Variants in MAML3 observed in about 807,000 individuals in gnomAD.
MAML3 encodes mastermind-like protein 3.
In MAML3, 27 loss-of-function variants were observed where a neutral mutation model predicts 101.9. The ratio of observed to expected loss-of-function variants is 0.27; its 90% CI spans 0.20 to 0.37. The LOEUF is 0.37. Ranked by LOEUF, MAML3 falls within the 10% of genes least tolerant of loss-of-function variation. MAML3 has a pLI of 1.00. For missense variants in MAML3, 1,316 were observed against 1,444.9 expected, an observed-to-expected ratio of 0.91 and a Z score of 1.45; for synonymous variants, 501 against 555.9, an observed-to-expected ratio of 0.90 and a Z score of 1.39.
chr4:139,914,062 C>T (rs572251636), intron 1 of MAML3, among the ~76,000 whole-genome samples: 14 of 152,252 alleles, frequency 9.2e-5, no homozygotes, highest in African/African-American at 3.4e-4. Flanking sequence ...CTTCCTTCCA[C>T]AGCTCCTCGT....
intron 2 of MAML3, among the ~76,000 whole-genome samples, chr4:139,760,777 C>CTGGA (rs1277502873): frequency 1.3e-5 from 2 of 152,158 alleles, no homozygotes; most frequent in Admixed American, 6.5e-5. Context: ...TACCAAGAGG[C>CTGGA]TGGAGTGTAT....
intron 1 of MAML3, among the ~76,000 whole-genome samples, chr4:139,978,314 C>T (rs528023150): frequency 6.6e-6 from 1 of 152,168 alleles, no homozygotes; most frequent in African/African-American, 2.4e-5. Context: ...CTCCCAAGCA[C>T]AGGAAGATTC....
intron 4 of MAML3, among the ~76,000 whole-genome samples, chr4:139,724,478 T>C (rs1728385800): frequency 1.3e-5 from 2 of 152,228 alleles, no homozygotes; most frequent in Non-Finnish European, 2.9e-5. Context: ...CAGAAAATTT[T>C]CACCCAGTCT....
At position 139,861,976 on chromosome 4, in the gene MAML3, A is replaced by AG. The variant is rs746834658; in HGVS notation, c.2079+27380dup. ...ATAATCCCAGCACTTTGGGAGGCTGAGGGGGGTGGACCACCTGAGGTCAGG... is the reference window on the plus strand; with the variant it reads ...ATAATCCCAGCACTTTGGGAGGCTGAGGGGGGGTGGACCACCTGAGGTCAGG... On this transcript the variant is annotated intron_variant, in intron 2 of 4. Coordinates refer to ENST00000509479, the MANE Select transcript of MAML3 (RefSeq NM_018717.5). 2.6e-5 allele frequency among the ~76,000 whole-genome samples: 4 copies of AG among 152,140 alleles called. No homozygotes were observed. The East Asian group carries it at 5.8e-4, about 22-fold the overall frequency.
At chr4:139,736,445 G>A (rs1728949658) in intron 2 of MAML3, among the ~76,000 whole-genome samples, 1 of 152,162 alleles carries the variant, frequency 6.6e-6, no homozygotes, top group African/African-American at 2.4e-5. Flanking sequence ...GCGCCTGGCT[G>A]TGACTCCCAG....
At chr4:139,933,217 T>C (rs1200905230) in intron 1 of MAML3, among the ~76,000 whole-genome samples, 5 of 152,134 alleles carry the variant, frequency 3.3e-5, no homozygotes, top group Non-Finnish European at 5.9e-5. Flanking sequence ...GCCACACATG[T>C]AAGACAGATG....
intron 1 of MAML3, among the ~76,000 whole-genome samples, chr4:139,932,062 T>C (rs760715774): frequency 6.6e-6 from 1 of 152,186 alleles, no homozygotes; most frequent in Non-Finnish European, 1.5e-5. Context: ...ATTTGCTTAC[T>C]ACTTTGAATA....
chr4:139,920,262 C>T (rs1484342645), intron 1 of MAML3, among the ~76,000 whole-genome samples: 2 of 152,078 alleles, frequency 1.3e-5, no homozygotes, highest in African/African-American at 4.8e-5. Context: ...CAAAGTGTGA[C>T]CAGAAAGGTC....
intron 2 of MAML3, among the ~76,000 whole-genome samples, chr4:139,820,440 T>C (rs984878950): frequency 6.6e-6 from 1 of 152,204 alleles, no homozygotes; most frequent in African/African-American, 2.4e-5. Context: ...TTGCCAACAT[T>C]TTCTCTAGGT....
rs112859978 is a variant in MAML3, at chr4:139,725,181, C to T, written c.2416+570G>A. Among the ~76,000 whole-genome samples the T allele has an allele frequency of 6.6e-5, 10 of 152,288 alleles. 1 individual carries two copies. Among genetic ancestry groups the T allele is most frequent in the African/African-American group, 1.4e-4 (6 of 41,562 alleles). On this transcript the variant is annotated intron_variant, in intron 4 of 4. Coordinates refer to ENST00000509479, the MANE Select transcript of MAML3 (RefSeq NM_018717.5). ...CTACTAGGTCATGATTTAGGATTCC[C>T]GCAAACGGCTACAGGATCAGTTCAA... is the stretch of plus-strand genomic sequence containing the variant.
chr4:139,876,350 T>G (rs1033206962), intron 2 of MAML3, among the ~76,000 whole-genome samples: 1 of 152,236 alleles, frequency 6.6e-6, no homozygotes, highest in Non-Finnish European at 1.5e-5. Context: ...CTCTAGAGTT[T>G]GGAAACTCTA....
intron 1 of MAML3, chr4:140,134,216 C>T (rs1347032672): frequency 2.8e-5 from 13 of 456,518 alleles, no homozygotes; most frequent in East Asian, 1.4e-4. Context: ...TTAGGAAGTA[C>T]GGGGAAAGTA....
intron 1 of MAML3, among the ~76,000 whole-genome samples, chr4:139,934,313 G>A (rs753263897): frequency 2.6e-5 from 4 of 152,014 alleles, no homozygotes; most frequent in Non-Finnish European, 4.4e-5. Context: ...GTGTGTGTGC[G>A]TGTGAGTGAA....
At chr4:139,835,717 G>GT (rs1397859633) in intron 2 of MAML3, among the ~76,000 whole-genome samples, 1 of 152,158 alleles carries the variant, frequency 6.6e-6, no homozygotes, top group African/African-American at 2.4e-5. Flanking sequence ...TGACTTGAGA[G>GT]TTTTTTCTGT....
chr4:139,945,406 A>G (rs1408631019), intron 1 of MAML3, among the ~76,000 whole-genome samples: 1 of 152,186 alleles, frequency 6.6e-6, no homozygotes, highest in Non-Finnish European at 1.5e-5. Flanking sequence ...TTTAAAAAAG[A>G]TTTATCCTTA....
At chr4:139,722,402 T>C (rs187566973) in intron 4 of MAML3, among the ~76,000 whole-genome samples, 110 of 152,326 alleles carry the variant, frequency 7.2e-4, no homozygotes, top group African/African-American at 2.5e-3. Context: ...TTCAGATGTG[T>C]CCAAGGAATT....
chr4:139,863,150 C>CAAAA (rs34108210), intron 2 of MAML3, among the ~76,000 whole-genome samples: 144 of 114,024 alleles, frequency 1.3e-3, no homozygotes, highest in Non-Finnish European at 1.9e-3. Context: ...ACTCTGTCTC[C>CAAAA]AAAAAAAAAA....
At chr4:139,922,877 T>G (rs1483687138) in intron 1 of MAML3, among the ~76,000 whole-genome samples, 2 of 152,184 alleles carry the variant, frequency 1.3e-5, no homozygotes, top group Non-Finnish European at 2.9e-5. Flanking sequence ...CTGTCAGCAT[T>G]GGCCAGCAGT....
intron 2 of MAML3, among the ~76,000 whole-genome samples, chr4:139,761,453 C>A (rs1342224587): frequency 6.6e-6 from 1 of 152,176 alleles, no homozygotes; most frequent in East Asian, 1.9e-4. Flanking sequence ...CCTGCTCCAA[C>A]AGCTACAGCC....
Sources: allele counts gnomAD v4.1 joint callset (sites outside exome capture counted in the v4.1 genomes callset), GRCh38; gene constraint gnomAD v4.1.1; transcripts MANE v1.5; gene names NCBI Gene and HGNC (gene_info 2026-07-23, HGNC 2026-07-21).